TBC1D8: variants seen among roughly 807,000 people sequenced by gnomAD.
TBC1D8 encodes the protein BUB2-like protein 1.
TBC1D8 carries 65 observed loss-of-function variants against 118.8 expected under a neutral mutation model. The observed-to-expected ratio is 0.55, with a 90% confidence interval of 0.45 to 0.67. The LOEUF is 0.67. Among genes scored for constraint, TBC1D8 ranks in the 30% least tolerant of loss-of-function variants. The probability of loss-of-function intolerance (pLI) is 0.00; values close to 1 mark genes in which losing one functional copy is unlikely to be tolerated. For missense variants in TBC1D8, 1,376 were observed against 1,471.2 expected, an observed-to-expected ratio of 0.94 and a Z score of 1.06; for synonymous variants, 566 against 595.8, an observed-to-expected ratio of 0.95 and a Z score of 0.73.
chr2:101,100,765 C>T (rs933924637), intron 1 of TBC1D8, among the ~76,000 whole-genome samples: 5 of 152,038 alleles, frequency 3.3e-5, no homozygotes, highest in Non-Finnish European at 5.9e-5. Context: ...CTTCAACAAA[C>T]CTGACAAAAA....
chr2:101,040,259 C>G lies in TBC1D8; in HGVS notation c.999G>C (p.Gly333=), dbSNP rs376119892. The change falls in exon 6 of 20, where the codon GGG becomes GGC. Residue 333 remains glycine (G), a synonymous_variant. Coordinates refer to ENST00000409318, the MANE Select transcript of TBC1D8 (RefSeq NM_001330348.2). ...TGTAGCTGTCAGAGGCGAACATCCG[C>G]CCCGTGGTGTGACAGCGACTGAACG... The part of the protein sequence containing the change: ...WTPFSRCHTT[G]RMFASDSYIC... 127 of 1,613,898 alleles carry G rather than the reference C, an allele frequency of 7.9e-5. No homozygotes were observed. Among genetic ancestry groups the G allele is most frequent in the Non-Finnish European group, 9.7e-5 (115 of 1,179,902 alleles).
At chr2:101,022,008 G>C (rs1164610630) in intron 16 of TBC1D8, among the ~76,000 whole-genome samples, 2 of 152,136 alleles carry the variant, frequency 1.3e-5, no homozygotes, top group Non-Finnish European at 2.9e-5. Flanking sequence ...TAGGAACATG[G>C]CTCCCAACAA....
At chr2:101,054,846 C>T (rs1352063448) in intron 3 of TBC1D8, among the ~76,000 whole-genome samples, 3 of 151,232 alleles carry the variant, frequency 2.0e-5, no homozygotes, top group South Asian at 2.1e-4. Flanking sequence ...CCACGCTGGG[C>T]TAATTTTGTA....
Position 101,054,347 on chromosome 2 carries a change from G to A in TBC1D8, c.403-11C>T, listed in dbSNP as rs1376030161. ...CTCGGCTATCAGAGCCTGACACACA[G>A]AGATGACAGTCCCTGCTCAGTGAGC... On this transcript the variant is annotated splice_polypyrimidine_tract_variant and intron_variant, in intron 3 of 19. Coordinates refer to ENST00000409318, the MANE Select transcript of TBC1D8 (RefSeq NM_001330348.2). The A allele has an allele frequency of 1.3e-6, 2 of 1,554,390 alleles. No homozygotes were observed. The highest frequency in any genetic ancestry group is 1.7e-6 in the Non-Finnish European group (2 of 1,148,546).
intron 2 of TBC1D8, among the ~76,000 whole-genome samples, chr2:101,061,046 GT>G (rs1682721697): frequency 6.6e-6 from 1 of 152,030 alleles, no homozygotes; most frequent in African/African-American, 2.4e-5. Flanking sequence ...AAATTAGCCA[GT>G]CACGGTGGTG....
chr2:101,111,689 ACTGT>A (rs887192614), intron 1 of TBC1D8, among the ~76,000 whole-genome samples: 5 of 152,162 alleles, frequency 3.3e-5, no homozygotes, highest in Non-Finnish European at 5.9e-5. Flanking sequence ...ACCTGGACTG[ACTGT>A]CTGATTCACA....
rs76339262 is a variant in TBC1D8 at position 101,092,465 on chromosome 2, G to C, written c.128-2101C>G. Among the ~76,000 whole-genome samples the C allele has an allele frequency of 2.0e-3, 308 of 152,240 alleles. 6 individuals are homozygous for C. The East Asian group carries it at 0.023, about 12-fold the overall frequency. On this transcript the variant is annotated intron_variant, in intron 1 of 19. Transcript: ENST00000409318. ...TTTCTTTGAAATTAACGAGTATTCT[G>C]TGGAGAAGTATTCTGAAGCCATGCA...
chr2:101,085,631 G>T (rs1319403642), intron 2 of TBC1D8, among the ~76,000 whole-genome samples: 1 of 152,166 alleles, frequency 6.6e-6, no homozygotes, highest in African/African-American at 2.4e-5. Flanking sequence ...GACTGCTAAA[G>T]AAAATGAATG....
intron 17 of TBC1D8, chr2:101,017,876 C>T: frequency 6.4e-7 from 1 of 1,550,848 alleles, no homozygotes; most frequent in Non-Finnish European, 8.7e-7. Context: ...AAACGATGAT[C>T]TCTTCAAAAC....
chr2:101,116,245 C>T lies in TBC1D8; in HGVS notation c.128-25881G>A, dbSNP rs1400369429. Among the ~76,000 whole-genome samples the T allele has an allele frequency of 3.3e-5, 5 of 152,054 alleles. No individual in the cohort carries two copies. The South Asian group carries it at 6.2e-4, about 19-fold the overall frequency. On this transcript the variant is annotated intron_variant, in intron 1 of 19. Coordinates refer to ENST00000409318, the MANE Select transcript of TBC1D8 (RefSeq NM_001330348.2). Reference sequence around the variant, plus strand: ...ATGTCCACAAGGGCCCTGAGAATGCCCAAAAGACATATGGACTCCAGTCCA... The same window carrying T: ...ATGTCCACAAGGGCCCTGAGAATGCTCAAAAGACATATGGACTCCAGTCCA...
rs183441553 is a variant in TBC1D8, at chr2:101,007,442, A to T, written c.*379T>A. Among the ~76,000 whole-genome samples the T allele has an allele frequency of 1.3e-5, 2 of 152,148 alleles. No homozygotes were observed. Among genetic ancestry groups the T allele is most frequent in the African/African-American group, 4.8e-5 (2 of 41,514 alleles). ...ATCTTGAAAGTGAACTTGATTCCTG[A>T]CCTCTCCCATTGTCACTCCAAGTGA... On this transcript the variant is annotated 3_prime_UTR_variant, in exon 20 of 20. Coordinates refer to ENST00000409318, the MANE Select transcript of TBC1D8 (RefSeq NM_001330348.2).
At chr2:101,147,154 A>G (rs1679353260) in intron 1 of TBC1D8, among the ~76,000 whole-genome samples, 1 of 152,182 alleles carries the variant, frequency 6.6e-6, no homozygotes, top group African/African-American at 2.4e-5. Context: ...ATAGGATTTC[A>G]TTCTTTCGTA....
intron 1 of TBC1D8, among the ~76,000 whole-genome samples, chr2:101,099,559 G>A (rs976313844): frequency 5.3e-5 from 8 of 151,998 alleles, no homozygotes; most frequent in Non-Finnish European, 1.2e-4. Context: ...CACAACAAAA[G>A]AAAGAAAACT....
intron 2 of TBC1D8, among the ~76,000 whole-genome samples, chr2:101,073,269 ATT>A (rs879587221): frequency 6.8e-6 from 1 of 146,452 alleles, no homozygotes; most frequent in Admixed American, 6.7e-5. Context: ...TATTTTTTTT[ATT>A]TTTTATTTTA....
At chr2:101,027,339 C>G in intron 15 of TBC1D8, 44 bp downstream of exon 15, 1 of 1,591,404 alleles carries the variant, frequency 6.3e-7, no homozygotes, top group South Asian at 1.1e-5. Flanking sequence ...GCGGCTCAGG[C>G]CAGCTCAGGG....
chr2:101,035,944 G>A (rs1195233589), intron 9 of TBC1D8, 74 bp downstream of exon 9: 18 of 1,543,778 alleles, frequency 1.2e-5, no homozygotes, highest in East Asian at 2.3e-5. Context: ...AAACACACGC[G>A]CTGCTCGGGT....
At chr2:101,072,413 G>A (rs764148211) in intron 2 of TBC1D8, among the ~76,000 whole-genome samples, 3 of 152,070 alleles carry the variant, frequency 2.0e-5, no homozygotes, top group Non-Finnish European at 4.4e-5. Context: ...AGAGAAGGGA[G>A]AGGCCCCAGG....
chr2:101,029,111 C>G (rs1006865079), intron 12 of TBC1D8, among the ~76,000 whole-genome samples: 11 of 152,138 alleles, frequency 7.2e-5, no homozygotes, highest in African/African-American at 2.7e-4. Flanking sequence ...TCCACAGGGG[C>G]CAGGCAGTGG....
chr2:101,070,177 A>G (rs1454859854), intron 2 of TBC1D8, among the ~76,000 whole-genome samples: 1 of 152,042 alleles, frequency 6.6e-6, no homozygotes, highest in Non-Finnish European at 1.5e-5. Context: ...TCGACCTCCC[A>G]AAGTGCTGGG....
Sources: allele counts gnomAD v4.1 joint callset (sites outside exome capture counted in the v4.1 genomes callset), GRCh38; gene constraint gnomAD v4.1.1; transcripts MANE v1.5; gene names NCBI Gene and HGNC (gene_info 2026-07-23, HGNC 2026-07-21).